The following SLCO3A1 variants were observed in gnomAD, a reference collection of about 807,000 sequenced individuals.
The protein encoded by SLCO3A1 is solute carrier organic anion transporter family member 3A1, also known as PGE1 transporter.
A neutral mutation model predicts 63.1 loss-of-function variants in SLCO3A1; 27 were observed. The observed-to-expected ratio is 0.43, with a 90% confidence interval of 0.32 to 0.59. The LOEUF (loss-of-function observed/expected upper bound fraction) is 0.59. Ranked by LOEUF, SLCO3A1 falls within the 20% of genes least tolerant of loss-of-function variation. The pLI is 0.09. For synonymous variants in SLCO3A1, 473 were observed against 409.9 expected (o/e 1.15, Z -1.86); for missense variants, 773 against 945.8 (o/e 0.82, Z 2.40).
chr15:92,042,859 C>T (rs1317917946), intron 2 of SLCO3A1, among the ~76,000 whole-genome samples: 1 of 152,108 alleles, frequency 6.6e-6, no homozygotes, highest in Non-Finnish European at 1.5e-5. Context: ...ACAGTTTCCA[C>T]CCCTAGGGTG....
intron 2 of SLCO3A1, among the ~76,000 whole-genome samples, chr15:91,999,323 CAT>C (rs544948322): frequency 2.6e-5 from 4 of 152,082 alleles, no homozygotes; most frequent in African/African-American, 4.8e-5. Flanking sequence ...TAAAAAGACA[CAT>C]ATGGACAGAA....
chr15:91,924,556 T>C (rs1206197569), intron 2 of SLCO3A1, among the ~76,000 whole-genome samples: 1 of 152,186 alleles, frequency 6.6e-6, no homozygotes, highest in Non-Finnish European at 1.5e-5. Flanking sequence ...AAAGGAAAGC[T>C]GTCGCACATT....
chr15:92,075,354 A>G (rs1032669978), intron 2 of SLCO3A1, among the ~76,000 whole-genome samples: 3 of 152,030 alleles, frequency 2.0e-5, no homozygotes, highest in Non-Finnish European at 4.4e-5. Context: ...GTAATCCAGC[A>G]TGGTATGGCC....
chr15:92,134,314 A>T lies in SLCO3A1; in HGVS notation c.1512+5825A>T, dbSNP rs192828268. On this transcript the variant is annotated intron_variant, in intron 7 of 9. Coordinates refer to ENST00000318445, the MANE Select transcript of SLCO3A1 (RefSeq NM_013272.4). ...GGCTTGTCAGAAGGGACTTGTGACT[A>T]TTCTGAAATCAAACCCTACTGGGGC... 1.4e-4 allele frequency among the ~76,000 whole-genome samples: 21 copies of T among 152,324 alleles called. No homozygotes were observed. The East Asian group carries it at 2.9e-3, about 21-fold the overall frequency.
chr15:91,921,381 G>A (rs1428429637), intron 2 of SLCO3A1, among the ~76,000 whole-genome samples: 4 of 152,104 alleles, frequency 2.6e-5, no homozygotes, highest in Non-Finnish European at 5.9e-5. Flanking sequence ...GGGGGTTAGG[G>A]CTTCAATATA....
chr15:92,092,089 G>A (rs1244461622), intron 2 of SLCO3A1, among the ~76,000 whole-genome samples: 3 of 152,156 alleles, frequency 2.0e-5, no homozygotes, highest in Non-Finnish European at 4.4e-5. Context: ...CTCCTTTTCT[G>A]CAAGAGGGCA....
At chr15:91,971,407 A>AAAAAAAAAAAAAAAAAAAAAAAAAAAC in intron 2 of SLCO3A1, among the ~76,000 whole-genome samples, 1 of 146,934 alleles carries the variant, frequency 6.8e-6, no homozygotes, top group Non-Finnish European at 1.5e-5. Context: ...AAAAAAAAAA[A>AAAAAAAAAAAAAAAAAAAAAAAAAAAC]AAAGCAACCT....
chr15:92,073,948 C>T (rs935241415), intron 2 of SLCO3A1, among the ~76,000 whole-genome samples: 3 of 152,202 alleles, frequency 2.0e-5, no homozygotes, highest in Admixed American at 2.0e-4. Flanking sequence ...GCAGGTGGAT[C>T]ACCTGAGGTC....
At chr15:91,999,391 C>T (rs2046227377) in intron 2 of SLCO3A1, among the ~76,000 whole-genome samples, 1 of 151,876 alleles carries the variant, frequency 6.6e-6, no homozygotes, top group African/African-American at 2.4e-5. Flanking sequence ...TTAAGAATTC[C>T]TAAAAATTAG....
rs113568662 is a variant in SLCO3A1, at chr15:92,072,207, T to G, written c.647-22674T>G. 4.1e-3 allele frequency among the ~76,000 whole-genome samples: 625 copies of G among 152,080 alleles called. 7 individuals carry two copies. Among genetic ancestry groups the G allele is most frequent in the African/African-American group, 0.013 (555 of 41,476 alleles). Reference sequence around the variant, plus strand: ...AACCACCATTCTTTTTTTTGGTTTTTTTTTTTTTTCCTCACTGGCTAATGC... The same window carrying G: ...AACCACCATTCTTTTTTTTGGTTTTGTTTTTTTTTCCTCACTGGCTAATGC... On this transcript the variant is annotated intron_variant, in intron 2 of 9. Transcript: ENST00000318445.
chr15:91,903,144 T>TC (rs1292160715), intron 1 of SLCO3A1, among the ~76,000 whole-genome samples: 2 of 152,204 alleles, frequency 1.3e-5, no homozygotes, highest in Non-Finnish European at 2.9e-5. Flanking sequence ...TCTCAGATCA[T>TC]CTTTCTTAAG....
At chr15:92,028,316 G>A (rs572816400) in intron 2 of SLCO3A1, among the ~76,000 whole-genome samples, 2 of 152,254 alleles carry the variant, frequency 1.3e-5, no homozygotes, top group African/African-American at 4.8e-5. Flanking sequence ...GCATCCTCGG[G>A]AAGCCACAGC....
intron 2 of SLCO3A1, among the ~76,000 whole-genome samples, chr15:92,057,237 G>A (rs995432496): frequency 6.6e-6 from 1 of 152,216 alleles, no homozygotes; most frequent in Non-Finnish European, 1.5e-5. Flanking sequence ...GGCTGCAGAG[G>A]GAAGAGTGGG....
At chr15:92,035,175 T>C (rs1203556342) in intron 2 of SLCO3A1, among the ~76,000 whole-genome samples, 5 of 151,846 alleles carry the variant, frequency 3.3e-5, no homozygotes, top group Admixed American at 3.3e-4. Flanking sequence ...CAGCCTTCTA[T>C]TTTTCCAGGT....
intron 2 of SLCO3A1, among the ~76,000 whole-genome samples, chr15:92,085,059 C>T (rs1265516639): frequency 6.6e-6 from 1 of 152,220 alleles, no homozygotes; most frequent in Non-Finnish European, 1.5e-5. Context: ...CTCACCACAG[C>T]CCTATAAAAT....
At chr15:91,914,567 CTTTTTT>C (rs556314311) in intron 1 of SLCO3A1, among the ~76,000 whole-genome samples, 7 of 122,246 alleles carry the variant, frequency 5.7e-5, no homozygotes, top group South Asian at 2.8e-4. Context: ...TATTTTCTTC[CTTTTTT>C]TTTTTTTTTT....
rs139180657 is a variant in SLCO3A1, at chr15:91,939,926, A to G, written c.646+23468A>G. 6.2e-4 allele frequency among the ~76,000 whole-genome samples: 95 copies of G among 152,290 alleles called. 1 individual carries two copies. Among genetic ancestry groups the G allele is most frequent in the African/African-American group, 2.2e-3 (93 of 41,574 alleles). On this transcript the variant is annotated intron_variant, in intron 2 of 9. Coordinates refer to ENST00000318445, the MANE Select transcript of SLCO3A1 (RefSeq NM_013272.4). ...CTATCTACTTAGCACAGAGAGGCCT[A>G]GTCACTTGCCTGGGGTCACATAGCT...
At chr15:92,018,741 G>T (rs977132145) in intron 2 of SLCO3A1, among the ~76,000 whole-genome samples, 3 of 152,172 alleles carry the variant, frequency 2.0e-5, no homozygotes, top group Admixed American at 2.0e-4. Context: ...CATGGCATCA[G>T]AGGGGATCAC....
At chr15:92,014,103 A>C (rs975401342) in intron 2 of SLCO3A1, among the ~76,000 whole-genome samples, 3 of 151,990 alleles carry the variant, frequency 2.0e-5, no homozygotes, top group Admixed American at 2.0e-4. Flanking sequence ...TAAAGCTTAA[A>C]CCTGAGCCCA....
Sources: allele counts gnomAD v4.1 joint callset (sites outside exome capture counted in the v4.1 genomes callset), GRCh38; gene constraint gnomAD v4.1.1; transcripts MANE v1.5; gene names NCBI Gene and HGNC (gene_info 2026-07-23, HGNC 2026-07-21).